SNTG1: variants seen among roughly 807,000 people sequenced by gnomAD.
SNTG1 encodes the protein gamma-1-syntrophin.
SNTG1 carries 39 observed loss-of-function variants against 74.7 expected under a neutral mutation model. The ratio of observed to expected loss-of-function variants is 0.52; its 90% CI spans 0.40 to 0.68. The LOEUF (loss-of-function observed/expected upper bound fraction) is 0.68. SNTG1 is among the 30% of genes least tolerant of loss of function. The pLI is 0.00. For missense variants in SNTG1, 685 were observed against 609.5 expected, an observed-to-expected ratio of 1.12 and a Z score of -1.30; for synonymous variants, 254 against 217.1, an observed-to-expected ratio of 1.17 and a Z score of -1.49.
chr8:50,640,679 A>G (rs1340898923), intron 13 of SNTG1, among the ~76,000 whole-genome samples: 1 of 152,092 alleles, frequency 6.6e-6, no homozygotes, highest in Non-Finnish European at 1.5e-5. Flanking sequence ...CCATATGACA[A>G]AACTGTACAT....
chr8:50,210,158 TGAGAA>T (rs1476860202), intron 2 of SNTG1, among the ~76,000 whole-genome samples: 2 of 151,792 alleles, frequency 1.3e-5, no homozygotes, highest in Admixed American at 6.6e-5. Flanking sequence ...TGAAATGAAG[TGAGAA>T]GAGAAGTTTA....
chr8:49,996,133 T>C (rs942345278), intron 1 of SNTG1, among the ~76,000 whole-genome samples: 2 of 152,108 alleles, frequency 1.3e-5, no homozygotes, highest in African/African-American at 4.8e-5. Context: ...ATTGCCATTT[T>C]AGAAAACTTT....
At chr8:50,206,685 A>G (rs1038651093) in intron 2 of SNTG1, among the ~76,000 whole-genome samples, 2 of 152,158 alleles carry the variant, frequency 1.3e-5, no homozygotes, top group Non-Finnish European at 2.9e-5. Context: ...CCCATTCAGT[A>G]TGATATTGGC....
chr8:50,393,519 T>G (rs1386320708), intron 2 of SNTG1, among the ~76,000 whole-genome samples: 1 of 152,200 alleles, frequency 6.6e-6, no homozygotes, highest in African/African-American at 2.4e-5. Flanking sequence ...CCGTGACATA[T>G]CTTAGTTTGG....
At chr8:50,770,881 A>C (rs1483463807) in intron 18 of SNTG1, among the ~76,000 whole-genome samples, 1 of 152,022 alleles carries the variant, frequency 6.6e-6, no homozygotes, top group Non-Finnish European at 1.5e-5. Context: ...GCATATTCCC[A>C]CTTCACTTCC....
intron 2 of SNTG1, among the ~76,000 whole-genome samples, chr8:50,333,484 T>C (rs1302189354): frequency 1.3e-5 from 2 of 152,254 alleles, no homozygotes; most frequent in Non-Finnish European, 2.9e-5. Flanking sequence ...GTACCATGTT[T>C]ATAATACTTC....
chr8:50,652,039 C>T (rs1449359520), intron 13 of SNTG1, among the ~76,000 whole-genome samples: 1 of 152,118 alleles, frequency 6.6e-6, no homozygotes, highest in Non-Finnish European at 1.5e-5. Flanking sequence ...CGTGAGCCAC[C>T]ACAACCGGCC....
chr8:50,721,422 T>C (rs1359340905), intron 17 of SNTG1, among the ~76,000 whole-genome samples: 1 of 152,202 alleles, frequency 6.6e-6, no homozygotes, highest in Non-Finnish European at 1.5e-5. Flanking sequence ...GGGAAACTTT[T>C]CACATATGGT....
At chr8:50,085,366 A>G (rs1361574731) in intron 1 of SNTG1, among the ~76,000 whole-genome samples, 2 of 152,186 alleles carry the variant, frequency 1.3e-5, no homozygotes, top group African/African-American at 2.4e-5. Flanking sequence ...CTTCTATACT[A>G]TATAGTTAGT....
At chr8:50,255,345 T>C (rs1901054) in intron 2 of SNTG1, among the ~76,000 whole-genome samples, 85,922 of 152,040 alleles carry the variant, frequency 0.57, 27,988 homozygotes, top group East Asian at 0.83. Flanking sequence ...GTTTCTAATG[T>C]TTTGGATTAA....
At position 50,210,890 on chromosome 8, in the gene SNTG1, C is replaced by T. The variant is rs185909649; in HGVS notation, c.-28+38255C>T. On this transcript the variant is annotated intron_variant, in intron 2 of 18. Transcript: ENST00000642720. ...AAATGTACCATATTAGAAGCTAGAC[C>T]TAATTGTACATAGTCACTAATTAGC... Among the ~76,000 whole-genome samples the T allele has an allele frequency of 3.3e-4, 50 of 152,202 alleles. 1 individual carries two copies. In the East Asian group the frequency reaches 5.2e-3, roughly 16 times the overall value.
intron 13 of SNTG1, among the ~76,000 whole-genome samples, chr8:50,646,341 T>C (rs2095109056): frequency 6.6e-6 from 1 of 152,206 alleles, no homozygotes; most frequent in East Asian, 1.9e-4. Flanking sequence ...AAGTTTCTTT[T>C]GAATTCAGTA....
At chr8:50,567,060 T>C (rs2094520088) in intron 12 of SNTG1, among the ~76,000 whole-genome samples, 1 of 152,094 alleles carries the variant, frequency 6.6e-6, no homozygotes, top group South Asian at 2.1e-4. Context: ...TCTTTGTTGA[T>C]GGAATAATAG....
intron 13 of SNTG1, among the ~76,000 whole-genome samples, chr8:50,628,647 C>T (rs1197087187): frequency 6.6e-6 from 1 of 152,002 alleles, no homozygotes; most frequent in South Asian, 2.1e-4. Flanking sequence ...AATTTATAAA[C>T]TTTTGTTTCT....
intron 18 of SNTG1, among the ~76,000 whole-genome samples, chr8:50,780,803 C>G (rs913061151): frequency 2.0e-5 from 3 of 152,194 alleles, no homozygotes; most frequent in Admixed American, 1.3e-4. Flanking sequence ...GTTAGGGTGT[C>G]AATTTTGGAT....
chr8:50,687,723 C>T (rs867480398), intron 15 of SNTG1, among the ~76,000 whole-genome samples: 12 of 152,286 alleles, frequency 7.9e-5, no homozygotes, highest in African/African-American at 2.4e-4. Flanking sequence ...CCTCCCCCCT[C>T]GCCCCACCCC....
chr8:50,048,627 G>A (rs1819302082), intron 1 of SNTG1, among the ~76,000 whole-genome samples: 1 of 152,046 alleles, frequency 6.6e-6, no homozygotes, highest in Admixed American at 6.6e-5. Context: ...ATTAAATGAA[G>A]GTGAGAAAAC....
intron 1 of SNTG1, among the ~76,000 whole-genome samples, chr8:50,160,642 A>ATCTC (rs10644999): frequency 0.43 from 65,800 of 151,788 alleles, 17,942 homozygotes; most frequent in African/African-American, 0.78. Flanking sequence ...GTGATTTGTG[A>ATCTC]TCTGAGTCAT....
intron 2 of SNTG1, among the ~76,000 whole-genome samples, chr8:50,235,028 AG>A (rs1304181600): frequency 2.0e-5 from 3 of 152,164 alleles, no homozygotes; most frequent in Non-Finnish European, 4.4e-5. Context: ...GAAAGAATCA[AG>A]GTTAGCTTGG....
Sources: gnomAD v4.1 joint callset for allele counts (sites outside exome capture counted in the v4.1 genomes callset) on GRCh38, gnomAD v4.1.1 for gene constraint, MANE v1.5 for transcripts, NCBI Gene and HGNC (gene_info 2026-07-23, HGNC 2026-07-21) for gene names.